LYN: variants seen among roughly 807,000 people sequenced by gnomAD.
The protein encoded by LYN is LYN proto-oncogene, Src family tyrosine kinase.
In LYN, 12 loss-of-function variants were observed where a neutral mutation model predicts 65.0. That is an observed-to-expected ratio of 0.18 (90% CI 0.12 to 0.30). The LOEUF (loss-of-function observed/expected upper bound fraction) is 0.30, where lower values mean the gene tolerates loss of function less well. Among genes scored for constraint, LYN ranks in the 10% least tolerant of loss-of-function variants. The pLI, the probability that LYN is intolerant of heterozygous loss-of-function variation, is 1.00. For missense variants in LYN, 380 were observed against 623.2 expected, an observed-to-expected ratio of 0.61 and a Z score of 4.16; for synonymous variants, 222 against 221.2, an observed-to-expected ratio of 1.00 and a Z score of -0.03.
At chr8:55,912,994 T>A (rs1805684110) in intron 1 of LYN, among the ~76,000 whole-genome samples, 2 of 152,314 alleles carry the variant, frequency 1.3e-5, no homozygotes, top group Admixed American at 6.5e-5. Flanking sequence ...GAATTGATGA[T>A]GCTACTTATT....
intron 10 of LYN, among the ~76,000 whole-genome samples, chr8:55,972,301 C>T (rs558007700): frequency 6.6e-6 from 1 of 152,326 alleles, no homozygotes; most frequent in African/African-American, 2.4e-5. Flanking sequence ...AGCTGCAAAC[C>T]TCACTCAGAC....
chr8:55,932,268 T>C (rs2130453552), intron 1 of LYN, among the ~76,000 whole-genome samples: 1 of 152,300 alleles, frequency 6.6e-6, no homozygotes, highest in South Asian at 2.1e-4. Context: ...ATTAGGAAAC[T>C]ACAGAAACAA....
chr8:55,898,284 A>C (rs1805174428), intron 1 of LYN, among the ~76,000 whole-genome samples: 1 of 151,852 alleles, frequency 6.6e-6, no homozygotes, highest in African/African-American at 2.4e-5. Flanking sequence ...TAACAGCTTT[A>C]TTTTTACTTT....
chr8:55,973,062 T>C (rs2130536642), intron 10 of LYN, among the ~76,000 whole-genome samples: 1 of 152,294 alleles, frequency 6.6e-6, no homozygotes, highest in East Asian at 1.9e-4. Flanking sequence ...ATCCTAGCCC[T>C]AGAAGAATAA....
At chr8:55,989,231 G>T (rs995570267) in intron 10 of LYN, among the ~76,000 whole-genome samples, 2 of 152,240 alleles carry the variant, frequency 1.3e-5, no homozygotes, top group Non-Finnish European at 2.9e-5. Flanking sequence ...TTTGAGAAAA[G>T]CGGGAAAGAT....
At chr8:55,962,085 G>T (rs774984652) in intron 8 of LYN, among the ~76,000 whole-genome samples, 3 of 152,214 alleles carry the variant, frequency 2.0e-5, no homozygotes, top group Non-Finnish European at 4.4e-5. Context: ...TACTCAACGG[G>T]TTGGTGAGAG....
At chr8:55,934,253 TAAACACAGC>T (rs1412523881) in intron 1 of LYN, among the ~76,000 whole-genome samples, 1 of 152,082 alleles carries the variant, frequency 6.6e-6, no homozygotes, top group Non-Finnish European at 1.5e-5. Context: ...TCAAATCAGG[TAAACACAGC>T]AAACAGAAGA....
chr8:55,951,148 T>C (rs1383146782), intron 6 of LYN, among the ~76,000 whole-genome samples: 2 of 151,086 alleles, frequency 1.3e-5, no homozygotes, highest in Non-Finnish European at 2.9e-5. Flanking sequence ...GAGGCTGAGG[T>C]AGGAAGATCA....
intron 10 of LYN, among the ~76,000 whole-genome samples, chr8:55,995,359 T>C (rs1469843864): frequency 6.6e-6 from 1 of 152,154 alleles, no homozygotes; most frequent in African/African-American, 2.4e-5. Context: ...TTTGTGACAG[T>C]TGGGAGAAAG....
intron 10 of LYN, among the ~76,000 whole-genome samples, chr8:55,994,919 A>G (rs539480568): frequency 2.6e-5 from 4 of 152,256 alleles, no homozygotes; most frequent in Middle Eastern, 3.4e-3. Context: ...TCGTGGTTCT[A>G]TCGCCAAAAG....
Position 55,969,846 on chromosome 8 carries a change from C to T in LYN, c.1050+53C>T, listed in dbSNP as rs72653908. 6,584 of 1,424,518 alleles carry T rather than the reference C, an allele frequency of 4.6e-3. 38 individuals are homozygous for T. The highest frequency in any genetic ancestry group is 5.4e-3 in the South Asian group (472 of 87,130). The allele number at this position is 1,424,518 out of a possible 1,614,324, so 88.2% of individuals were successfully genotyped here. On this transcript the variant is annotated intron_variant, in intron 10 of 12. Coordinates refer to ENST00000519728, the MANE Select transcript of LYN (RefSeq NM_002350.4). ...ACGTGCATTTGCAAAGACTTCCCTG[C>T]GTCAAATTCATGAAGGAGTTATTGT...
At chr8:55,955,701 C>A (rs1807087113) in intron 8 of LYN, among the ~76,000 whole-genome samples, 1 of 152,198 alleles carries the variant, frequency 6.6e-6, no homozygotes, top group Non-Finnish European at 1.5e-5. Context: ...CACCCTCAGC[C>A]CCTGGCAACC....
intron 10 of LYN, among the ~76,000 whole-genome samples, chr8:55,976,215 T>C (rs1807746845): frequency 6.6e-6 from 1 of 151,160 alleles, no homozygotes; most frequent in African/African-American, 2.4e-5. Context: ...TAATCCCAGC[T>C]ACTCCGAAGG....
In LYN at chr8:55,920,780, CCCA is replaced by C. The variant is rs1365775779; in HGVS notation, c.-5-21069_-5-21067del. ...TCCGCCCCTCCCCCCCTTGCCCTTC[CCCA>C]CCACCCCCCCACCGGGTTCCAGCAA... On this transcript the variant is annotated intron_variant, in intron 1 of 12. Coordinates refer to ENST00000519728, the MANE Select transcript of LYN (RefSeq NM_002350.4). Among the ~76,000 whole-genome samples, 4 of 144,188 alleles carry C rather than the reference CCCA, an allele frequency of 2.8e-5. No individual in the cohort carries two copies. The Admixed American group carries it at 2.8e-4, about 10-fold the overall frequency. 94.6% of individuals were successfully genotyped at this position (144,188 alleles called of 152,430 possible). A position where few individuals can be genotyped will look rare whatever the true frequency, so the allele number is the denominator to read the frequency against.
chr8:55,910,740 T>G (rs1805575390), intron 1 of LYN, among the ~76,000 whole-genome samples: 1 of 152,174 alleles, frequency 6.6e-6, no homozygotes, highest in Admixed American at 6.5e-5. Flanking sequence ...AATAAGGCTA[T>G]AAGCTTAAGT....
intron 1 of LYN, chr8:55,902,821 G>T: frequency 9.9e-6 from 5 of 503,308 alleles, no homozygotes; most frequent in South Asian, 7.2e-5. Flanking sequence ...TGGACACCTT[G>T]ATCAACAGTG....
At chr8:56,002,451 T>A (rs568251013) in intron 12 of LYN, among the ~76,000 whole-genome samples, 7 of 147,820 alleles carry the variant, frequency 4.7e-5, no homozygotes, top group African/African-American at 1.5e-4. Flanking sequence ...TAAAATAAAA[T>A]AAAAATAAAA....
intron 4 of LYN, among the ~76,000 whole-genome samples, chr8:55,948,981 T>C (rs1806861958): frequency 6.6e-6 from 1 of 152,236 alleles, no homozygotes; most frequent in Non-Finnish European, 1.5e-5. Context: ...TATAGAGGAA[T>C]GCAGTTAAGG....
At chr8:55,880,853 G>A (rs1012320925) in intron 1 of LYN, among the ~76,000 whole-genome samples, 8 of 152,212 alleles carry the variant, frequency 5.3e-5, no homozygotes, top group African/African-American at 1.9e-4. Context: ...TGCATTCTCT[G>A]GGCCCATGGT....
Sources: allele counts gnomAD v4.1 joint callset (sites outside exome capture counted in the v4.1 genomes callset), GRCh38; gene constraint gnomAD v4.1.1; transcripts MANE v1.5; gene names NCBI Gene and HGNC (gene_info 2026-07-23, HGNC 2026-07-21).